The following NDC1 variants were observed in gnomAD, a reference collection of about 807,000 sequenced individuals.
NDC1 encodes NDC1 transmembrane nucleoporin.
A neutral mutation model predicts 89.8 loss-of-function variants in NDC1; 24 were observed. The ratio of observed to expected loss-of-function variants is 0.27; its 90% CI spans 0.19 to 0.38. NDC1 has a LOEUF of 0.38. NDC1 is among the 10% of genes least tolerant of loss of function. The pLI, the probability that NDC1 is intolerant of heterozygous loss-of-function variation, is 1.00. For synonymous variants in NDC1, 296 were observed against 284.8 expected (o/e 1.04, Z -0.39); for missense variants, 728 against 797.6 (o/e 0.91, Z 1.05).
At chr1:53,782,809 CA>C (rs1289917834) in intron 16 of NDC1, among the ~76,000 whole-genome samples, 1 of 152,220 alleles carries the variant, frequency 6.6e-6, no homozygotes, top group Non-Finnish European at 1.5e-5. Flanking sequence ...CTCCATATCC[CA>C]ATACGATTGT....
intron 5 of NDC1, among the ~76,000 whole-genome samples, chr1:53,822,879 G>A (rs981163762): frequency 3.3e-5 from 5 of 151,982 alleles, no homozygotes; most frequent in African/African-American, 9.7e-5. Flanking sequence ...TCATCACATC[G>A]CGCTCTATAG....
chr1:53,829,362 T>C (rs1323381556), intron 3 of NDC1, among the ~76,000 whole-genome samples: 1 of 152,202 alleles, frequency 6.6e-6, no homozygotes, highest in African/African-American at 2.4e-5. Context: ...CCAAACCCTC[T>C]CATGTCACTA....
At chr1:53,782,947 C>A (rs912148359) in intron 16 of NDC1, among the ~76,000 whole-genome samples, 3 of 152,148 alleles carry the variant, frequency 2.0e-5, no homozygotes, top group Non-Finnish European at 4.4e-5. Flanking sequence ...AATTTAACGT[C>A]TTGATAATTT....
intron 12 of NDC1, 41 bp from the exon 13 acceptor site, chr1:53,796,845 G>A (rs369520026): frequency 6.8e-6 from 11 of 1,607,198 alleles, no homozygotes; most frequent in African/African-American, 2.7e-5. Flanking sequence ...AACTTAGGCT[G>A]TCTGATCCTC....
chr1:53,783,478 A>G (rs1232049367), intron 16 of NDC1, among the ~76,000 whole-genome samples: 2 of 152,264 alleles, frequency 1.3e-5, no homozygotes, highest in African/African-American at 2.4e-5. Context: ...CTCAACATCC[A>G]AAAATATGCC....
chr1:53,793,462 T>C lies in NDC1; in HGVS notation c.1585-183A>G, dbSNP rs1253825524. 4.6e-5 allele frequency among the ~76,000 whole-genome samples: 7 copies of C among 152,220 alleles called. No individual in the cohort carries two copies. The highest frequency in any genetic ancestry group is 1.4e-4 in the African/African-American group (6 of 41,460). The stretch of plus-strand genomic sequence containing the variant: ...TAACTAAATACCTTTGTGCTACAAA[T>C]TGGACAACCAAGATGAGCCAACTAA... On this transcript the variant is annotated intron_variant, in intron 13 of 17. Transcript: ENST00000371429.
At chr1:53,787,793 C>A (rs994458796) in intron 15 of NDC1, among the ~76,000 whole-genome samples, 2 of 150,466 alleles carry the variant, frequency 1.3e-5, no homozygotes, top group African/African-American at 4.9e-5. Flanking sequence ...ATAACAGTCT[C>A]TGGCTTTACA....
At chr1:53,787,423 CA>C (rs1647340622) in intron 15 of NDC1, among the ~76,000 whole-genome samples, 165 bp from the exon 16 acceptor site, 1 of 151,880 alleles carries the variant, frequency 6.6e-6, no homozygotes, top group African/African-American at 2.4e-5. Context: ...CTGAGGCAGG[CA>C]GATCGCTTGA....
chr1:53,789,132 C>T lies in NDC1; in HGVS notation c.1699+1G>A. On this transcript the variant is annotated splice_donor_variant, in intron 15 of 17. Transcript: ENST00000371429. LOFTEE classifies it high-confidence loss of function. ...AGTTACAGTTCACAGTCATTGCTTA[C>T]CTTCTAATGCCCAAATATGCATTTG... 1 of 1,586,528 alleles carries T rather than the reference C, an allele frequency of 6.3e-7. No individual in the cohort carries two copies. Among genetic ancestry groups the T allele is most frequent in the Non-Finnish European group, 8.6e-7 (1 of 1,157,726 alleles).
At chr1:53,814,184 T>A (rs971391899) in intron 6 of NDC1, among the ~76,000 whole-genome samples, 1 of 152,056 alleles carries the variant, frequency 6.6e-6, no homozygotes, top group Non-Finnish European at 1.5e-5. Context: ...AAACCCCGTC[T>A]CTACTAAAAA....
At chr1:53,768,999 C>A (rs1647089858) in intron 17 of NDC1, among the ~76,000 whole-genome samples, 1 of 152,134 alleles carries the variant, frequency 6.6e-6, no homozygotes, top group Admixed American at 6.6e-5. Context: ...ACTCTAGTAG[C>A]AATCTCTGCC....
Position 53,819,706 on chromosome 1 carries a change from G to C in NDC1, c.595-627C>G, listed in dbSNP as rs1021865016. ...GGCAGTGAAGAAGACACTAGCCTAGGAATCAAGAATTGTGAGTTCTAGTGC... is the reference window on the plus strand; with the variant it reads ...GGCAGTGAAGAAGACACTAGCCTAGCAATCAAGAATTGTGAGTTCTAGTGC... On this transcript the variant is annotated intron_variant, in intron 5 of 17. Coordinates refer to ENST00000371429, the MANE Select transcript of NDC1 (RefSeq NM_018087.5). 3.3e-5 allele frequency among the ~76,000 whole-genome samples: 5 copies of C among 152,310 alleles called. No individual in the cohort carries two copies. The East Asian group carries it at 9.6e-4, about 29-fold the overall frequency.
At chr1:53,782,885 C>T (rs1647226027) in intron 16 of NDC1, among the ~76,000 whole-genome samples, 1 of 152,170 alleles carries the variant, frequency 6.6e-6, no homozygotes, top group Non-Finnish European at 1.5e-5. Context: ...GACTCACTGA[C>T]AGATCTTGTT....
chr1:53,769,814 CTG>C (rs902137161), intron 17 of NDC1, among the ~76,000 whole-genome samples: 5 of 152,154 alleles, frequency 3.3e-5, no homozygotes, highest in African/African-American at 1.2e-4. Context: ...GGGACAAAAA[CTG>C]TATCAGAAAG....
intron 6 of NDC1, among the ~76,000 whole-genome samples, chr1:53,816,114 G>A (rs949525744): frequency 1.3e-5 from 2 of 151,938 alleles, no homozygotes; most frequent in African/African-American, 2.4e-5. Flanking sequence ...AATTCATATG[G>A]AACCAAAAAA....
chr1:53,832,622 G>C, intron 2 of NDC1, 31 bp from the exon 3 acceptor site: 1 of 1,161,242 alleles, frequency 8.6e-7, no homozygotes, highest in Non-Finnish European at 1.3e-6. Context: ...ATTAGTAAAG[G>C]TTATTCAGTC....
At chr1:53,809,905 T>A (rs1244996918) in intron 6 of NDC1, among the ~76,000 whole-genome samples, 159 bp from the exon 7 acceptor site, 1 of 152,224 alleles carries the variant, frequency 6.6e-6, no homozygotes, top group Non-Finnish European at 1.5e-5. Flanking sequence ...CAGTACTTAT[T>A]AACACAGGCA....
Position 53,838,281 on chromosome 1 carries a change from C to G in NDC1, c.-20G>C. Reference sequence around the variant, plus strand: ...GGCCATGGAGATGGCGGCCCCTAGTCTAGGGCGTACAGGAGACCGTGCGCC... The same window carrying G: ...GGCCATGGAGATGGCGGCCCCTAGTGTAGGGCGTACAGGAGACCGTGCGCC... On this transcript the variant is annotated 5_prime_UTR_variant, in exon 1 of 18. Coordinates refer to ENST00000371429, the MANE Select transcript of NDC1 (RefSeq NM_018087.5). 1 of 1,533,408 alleles carries G rather than the reference C, an allele frequency of 6.5e-7. No individual in the cohort carries two copies. Among genetic ancestry groups the G allele is most frequent in the Non-Finnish European group, 8.7e-7 (1 of 1,143,118 alleles). The allele number at this position is 1,533,408 out of a possible 1,614,324, so 95.0% of individuals were successfully genotyped here.
At chr1:53,792,235 C>T (rs1238469603) in intron 14 of NDC1, among the ~76,000 whole-genome samples, 1 of 152,160 alleles carries the variant, frequency 6.6e-6, no homozygotes, top group Non-Finnish European at 1.5e-5. Flanking sequence ...AGCCACCATG[C>T]CCGGCCTTTC....
Sources: allele counts gnomAD v4.1 joint callset (sites outside exome capture counted in the v4.1 genomes callset), GRCh38; gene constraint gnomAD v4.1.1; transcripts MANE v1.5; gene names NCBI Gene and HGNC (gene_info 2026-07-23, HGNC 2026-07-21).